KLF12: variants seen among roughly 807,000 people sequenced by gnomAD.
The protein encoded by KLF12 is KLF transcription factor 12, also known as Krueppel-like factor 12.
In KLF12, 9 loss-of-function variants were observed where a neutral mutation model predicts 37.8. The observed-to-expected ratio is 0.24, with a 90% CI of 0.14 to 0.42. The LOEUF is 0.42. Ranked by LOEUF, KLF12 falls within the 10% of genes least tolerant of loss-of-function variation. KLF12 has a pLI of 1.00. For synonymous variants in KLF12, 208 were observed against 202.1 expected, an observed-to-expected ratio of 1.03 and a Z score of -0.25; for missense variants, 411 against 516.0, an observed-to-expected ratio of 0.80 and a Z score of 1.97.
At chr13:73,806,649 C>CAAAAAAAAAAAAA (rs11482328) in intron 5 of KLF12, among the ~76,000 whole-genome samples, 2 of 108,278 alleles carry the variant, frequency 1.8e-5, no homozygotes, top group Non-Finnish European at 3.8e-5. Flanking sequence ...AAAAAACAAA[C>CAAAAAAAAAAAAA]AAAAAAAAAA....
At chr13:73,836,143 G>C (rs537365534) in intron 4 of KLF12, among the ~76,000 whole-genome samples, 2 of 152,134 alleles carry the variant, frequency 1.3e-5, no homozygotes, top group South Asian at 4.2e-4. Flanking sequence ...AGAAAGAATT[G>C]AGTATGTGAT....
At chr13:73,836,423 GT>G (rs965258587) in intron 4 of KLF12, among the ~76,000 whole-genome samples, 20 of 152,240 alleles carry the variant, frequency 1.3e-4, no homozygotes, top group African/African-American at 4.8e-4. Flanking sequence ...AACCGTGCTG[GT>G]AATGATTCTA....
At chr13:73,695,743 T>C (rs1874100144) in intron 7 of KLF12, 72 bp from the exon 8 acceptor site, 11 of 1,413,238 alleles carry the variant, frequency 7.8e-6, no homozygotes, top group Non-Finnish European at 9.8e-6. Context: ...CAGTACTCTA[T>C]TTTGGGAAAC....
intron 1 of KLF12, among the ~76,000 whole-genome samples, chr13:74,036,848 T>C (rs1361038307): frequency 6.6e-6 from 1 of 152,224 alleles, no homozygotes; most frequent in Non-Finnish European, 1.5e-5. Flanking sequence ...TTTTGATAAA[T>C]TTATAAACCA....
the KLF12 span, among the ~76,000 whole-genome samples, chr13:74,256,649 T>C: frequency 6.6e-6 from 1 of 151,906 alleles, no homozygotes; most frequent in Non-Finnish European, 1.5e-5. Flanking sequence ...TATACAGCAT[T>C]AAGCTTTTCT....
chr13:74,240,377 T>G, the KLF12 span, among the ~76,000 whole-genome samples: 101 of 101,928 alleles, frequency 9.9e-4, no homozygotes, highest in African/African-American at 4.3e-3. Context: ...GCCCTTAACA[T>G]TTTTTCCTTC....
chr13:73,952,159 T>G (rs1300170579), intron 2 of KLF12, among the ~76,000 whole-genome samples: 3 of 152,198 alleles, frequency 2.0e-5, no homozygotes, highest in Non-Finnish European at 4.4e-5. Context: ...AAAAGTTACT[T>G]GGAGTCAGGT....
chr13:74,282,842 C>T, the KLF12 span, among the ~76,000 whole-genome samples: 4 of 152,136 alleles, frequency 2.6e-5, no homozygotes, highest in African/African-American at 4.8e-5. Context: ...ACTTAACTTA[C>T]GTGAGTCTCA....
upstream of KLF12, among the ~76,000 whole-genome samples, chr13:74,135,608 G>A (rs1199208249): frequency 6.6e-6 from 1 of 151,238 alleles, no homozygotes; most frequent in Non-Finnish European, 1.5e-5. Context: ...CGGGCGGGGC[G>A]CGCGGCGGAC....
the KLF12 span, among the ~76,000 whole-genome samples, chr13:74,215,794 T>A: frequency 6.6e-6 from 1 of 152,248 alleles, no homozygotes; most frequent in South Asian, 2.1e-4. Context: ...GTTCTTGGAA[T>A]TGAGGAACAC....
intron 3 of KLF12, among the ~76,000 whole-genome samples, chr13:73,919,818 G>A (rs1889028999): frequency 6.6e-6 from 1 of 152,128 alleles, no homozygotes; most frequent in African/African-American, 2.4e-5. Flanking sequence ...TAGTACATCA[G>A]GGTTGCCCTG....
At chr13:74,071,439 C>A (rs1313179550) in intron 1 of KLF12, among the ~76,000 whole-genome samples, 1 of 152,084 alleles carries the variant, frequency 6.6e-6, no homozygotes, top group Non-Finnish European at 1.5e-5. Flanking sequence ...GTCATCCCAG[C>A]ACTTTGGGAG....
chr13:73,774,752 T>C lies in KLF12; in HGVS notation c.807-9752A>G, dbSNP rs555010026. On this transcript the variant is annotated intron_variant, in intron 5 of 7. Coordinates refer to ENST00000377669, the MANE Select transcript of KLF12 (RefSeq NM_007249.5). ...TGCCAGGGCTTTGCTGGGATAATAA[T>C]ATAAGCAATACAGATCTATTAGAAA... Among the ~76,000 whole-genome samples, 86 of 152,308 alleles carry C rather than the reference T, an allele frequency of 5.6e-4. 2 individuals carry two copies. The South Asian group carries it at 0.017, about 30-fold the overall frequency.
intron 1 of KLF12, among the ~76,000 whole-genome samples, chr13:74,070,204 G>A (rs1384905026): frequency 6.6e-6 from 1 of 152,214 alleles, no homozygotes; most frequent in African/African-American, 2.4e-5. Context: ...CAGCAGCATA[G>A]GAATGACATG....
chr13:74,074,144 T>C (rs1469871150), intron 1 of KLF12, among the ~76,000 whole-genome samples: 5 of 152,080 alleles, frequency 3.3e-5, no homozygotes, highest in Non-Finnish European at 7.4e-5. Context: ...GTTTTCTCAT[T>C]CGAGAGAGAG....
intron 3 of KLF12, among the ~76,000 whole-genome samples, chr13:73,904,253 C>T (rs1194762975): frequency 6.6e-6 from 1 of 152,130 alleles, no homozygotes; most frequent in Admixed American, 6.5e-5. Context: ...CACTACCCGA[C>T]ACGTCCTAGC....
At chr13:74,089,843 C>G (rs1875550394) in intron 1 of KLF12, among the ~76,000 whole-genome samples, 1 of 143,888 alleles carries the variant, frequency 6.9e-6, no homozygotes, top group East Asian at 2.0e-4. Flanking sequence ...TAGTATCATA[C>G]TTAAAGGTGA....
intron 1 of KLF12, among the ~76,000 whole-genome samples, chr13:74,079,883 A>G (rs1874776968): frequency 1.3e-5 from 2 of 152,234 alleles, no homozygotes; most frequent in African/African-American, 2.4e-5. Context: ...TTCTGGATAT[A>G]TATCTGAAAG....
the KLF12 span, among the ~76,000 whole-genome samples, chr13:74,159,740 C>T: frequency 5.3e-5 from 8 of 151,958 alleles, no homozygotes; most frequent in Admixed American, 2.6e-4. Context: ...CTTTTTCAGC[C>T]GGGCATGGTT....
Sources: allele counts gnomAD v4.1 joint callset (sites outside exome capture counted in the v4.1 genomes callset), GRCh38; gene constraint gnomAD v4.1.1; transcripts MANE v1.5; gene names NCBI Gene and HGNC (gene_info 2026-07-23, HGNC 2026-07-21).